BDNF: variants seen among roughly 807,000 people sequenced by gnomAD.
BDNF encodes the protein neurotrophic factor BDNF precursor form.
In BDNF, 1 loss-of-function variant was observed where a neutral mutation model predicts 19.5. That is an observed-to-expected ratio of 0.05 (90% CI 0.02 to 0.24). The LOEUF is 0.24. BDNF is among the 10% of genes least tolerant of loss of function. The pLI is 1.00. For missense variants in BDNF, 195 were observed against 317.6 expected (o/e 0.61, Z 2.93); for synonymous variants, 100 against 121.6 (o/e 0.82, Z 1.17).
At chr11:27,720,698 G>T (rs1590513782) in intron 1 of BDNF, 2 of 985,884 alleles carry the variant, frequency 2.0e-6, no homozygotes, top group Non-Finnish European at 1.2e-6. Flanking sequence ...GGTGCTGAAT[G>T]GACTCCTATC....
chr11:27,719,714 GGGAT>G (rs1257038713), intron 1 of BDNF: 1 of 875,708 alleles, frequency 1.1e-6, no homozygotes, highest in East Asian at 1.2e-4. Context: ...GAATGAGGGA[GGGAT>G]GGAGGCTGGA....
At chr11:27,695,641 C>T (rs1483051604) in intron 1 of BDNF, among the ~76,000 whole-genome samples, 1 of 152,132 alleles carries the variant, frequency 6.6e-6, no homozygotes, top group Non-Finnish European at 1.5e-5. Context: ...ACGTTCCTTA[C>T]TCTCTAGGCT....
chr11:27,669,748 A>C (rs1031417879), intron 1 of BDNF, among the ~76,000 whole-genome samples: 1 of 152,334 alleles, frequency 6.6e-6, no homozygotes, highest in Non-Finnish European at 1.5e-5. Context: ...CTGCTCAAGG[A>C]AATAAAAGAG....
At chr11:27,666,414 A>G (rs1386606726) in intron 1 of BDNF, among the ~76,000 whole-genome samples, 1 of 152,236 alleles carries the variant, frequency 6.6e-6, no homozygotes, top group Non-Finnish European at 1.5e-5. Flanking sequence ...AAAGCTGGAC[A>G]GAGAATGACT....
At chr11:27,713,595 T>G (rs1035199214) in intron 1 of BDNF, among the ~76,000 whole-genome samples, 6 of 152,196 alleles carry the variant, frequency 3.9e-5, no homozygotes, top group African/African-American at 1.4e-4. Flanking sequence ...CTAACTCCTT[T>G]TGGTACTGAT....
At position 27,656,930 on chromosome 11, in the gene BDNF, A is replaced by G. The variant is rs1370386769; in HGVS notation, c.*891T>C. ...GCGCAACTGATTTTTCTTCCTTAAA[A>G]CAAAACAAAGAGGAGACCAGAGGGG... On this transcript the variant is annotated 3_prime_UTR_variant, in exon 2 of 2. Transcript: ENST00000356660. 2.0e-6 allele frequency: 2 copies of G among 984,052 alleles called. No homozygotes were observed. Among genetic ancestry groups the G allele is most frequent in the Non-Finnish European group, 2.4e-6 (2 of 828,954 alleles). The allele number at this position is 984,052 out of a possible 1,614,324, so 61.0% of individuals were successfully genotyped here.
At chr11:27,687,318 T>A (rs1857609785) in intron 1 of BDNF, among the ~76,000 whole-genome samples, 1 of 152,222 alleles carries the variant, frequency 6.6e-6, no homozygotes, top group Non-Finnish European at 1.5e-5. Flanking sequence ...CAACCTTTTT[T>A]CAAGGTTCTT....
chr11:27,688,303 G>A (rs550646643), intron 1 of BDNF, among the ~76,000 whole-genome samples: 1 of 152,344 alleles, frequency 6.6e-6, no homozygotes, highest in Admixed American at 6.5e-5. Flanking sequence ...CAGCTGTGCT[G>A]GCAGTGAGAA....
At chr11:27,702,098 G>A (rs1337687205), upstream of BDNF, among the ~76,000 whole-genome samples, 1 of 152,148 alleles carries the variant, frequency 6.6e-6, no homozygotes, top group African/African-American at 2.4e-5. Context: ...TCCATTTGAT[G>A]AACTCTGTCA....
chr11:27,663,793 A>G (rs1853859240), intron 1 of BDNF, among the ~76,000 whole-genome samples: 1 of 152,198 alleles, frequency 6.6e-6, no homozygotes, highest in South Asian at 2.1e-4. Flanking sequence ...CACTGCAGCT[A>G]TGTGTGTCCT....
intron 1 of BDNF, among the ~76,000 whole-genome samples, chr11:27,671,110 G>A (rs902792704): frequency 3.9e-5 from 6 of 151,996 alleles, no homozygotes; most frequent in African/African-American, 1.2e-4. Context: ...TGAACAATGA[G>A]AACACTTGGA....
Position 27,713,976 on chromosome 11 carries a change from G to A in BDNF, c.3+7436C>T, listed in dbSNP as rs546849389. Among the ~76,000 whole-genome samples, 10 of 152,244 alleles carry A rather than the reference G, an allele frequency of 6.6e-5. No homozygotes were observed. The East Asian group carries it at 1.7e-3, about 26-fold the overall frequency. On this transcript the variant is annotated intron_variant, in intron 1 of 1. Transcript: ENST00000314915. ...AAATTAATACTTTGTAATACATTTTGCCATTTGTCTAAAATAGAATTCAAG... is the reference window on the plus strand; with the variant it reads ...AAATTAATACTTTGTAATACATTTTACCATTTGTCTAAAATAGAATTCAAG...
At chr11:27,659,658 C>CGT in intron 1 of BDNF, 1 of 981,522 alleles carries the variant, frequency 1.0e-6, no homozygotes, top group Non-Finnish European at 1.2e-6. Context: ...TGCGCGCGCG[C>CGT]GTGTGCGCGC....
intron 1 of BDNF, among the ~76,000 whole-genome samples, chr11:27,662,098 G>T (rs182865275): frequency 2.8e-4 from 43 of 152,240 alleles, no homozygotes; most frequent in African/African-American, 1.0e-3. Flanking sequence ...CACCTCCTGG[G>T]TTCAAGCAAT....
intron 1 of BDNF, among the ~76,000 whole-genome samples, chr11:27,663,770 T>TGTC (rs1277886195): frequency 6.6e-6 from 1 of 152,180 alleles, no homozygotes; most frequent in African/African-American, 2.4e-5. Flanking sequence ...CGAAGGAGCT[T>TGTC]ACAAAATGTG....
intron 1 of BDNF, among the ~76,000 whole-genome samples, chr11:27,663,975 A>G (rs914214795): frequency 6.6e-6 from 1 of 152,156 alleles, no homozygotes; most frequent in Non-Finnish European, 1.5e-5. Context: ...TGTTAGAACT[A>G]AGTTTCTATG....
upstream of BDNF, among the ~76,000 whole-genome samples, chr11:27,702,963 G>A (rs1160813984): frequency 6.6e-6 from 1 of 152,116 alleles, no homozygotes; most frequent in Non-Finnish European, 1.5e-5. Context: ...CATTCAGAGC[G>A]CCTTTGCAAA....
At chr11:27,721,592 T>A in exon 1 of BDNF, 1 of 706,756 alleles carries the variant, frequency 1.4e-6, no homozygotes, top group Non-Finnish European at 2.5e-6. Flanking sequence ...TCCGCAAGCT[T>A]AAACTCTCAA....
intron 1 of BDNF, among the ~76,000 whole-genome samples, chr11:27,680,332 T>C (rs1564967612): frequency 1.3e-5 from 2 of 152,316 alleles, no homozygotes; most frequent in East Asian, 3.9e-4. Context: ...GCCCAAGTTT[T>C]TGTTCAATAA....
Sources: gnomAD v4.1 joint callset for allele counts (sites outside exome capture counted in the v4.1 genomes callset) on GRCh38, gnomAD v4.1.1 for gene constraint, MANE v1.5 for transcripts, NCBI Gene and HGNC (gene_info 2026-07-23, HGNC 2026-07-21) for gene names.